The following SLC38A6 variants were observed in gnomAD, a reference collection of about 807,000 sequenced individuals.
SLC38A6 encodes N system amino acid transporter NAT-1.
Under a neutral mutation model 65.0 loss-of-function variants are expected in SLC38A6, and 73 were observed. The observed-to-expected ratio is 1.12, with a 90% CI of 0.93 to 1.37. The LOEUF is 1.37. SLC38A6 is among the 40% of genes most tolerant of loss of function. SLC38A6 has a pLI of 0.00. For synonymous variants in SLC38A6, 183 were observed against 178.8 expected (o/e 1.02, Z -0.19); for missense variants, 561 against 531.1 (o/e 1.06, Z -0.55).
intron 3 of SLC38A6, among the ~76,000 whole-genome samples, chr14:61,013,599 G>T (rs974168479): frequency 6.6e-6 from 1 of 152,140 alleles, no homozygotes; most frequent in Non-Finnish European, 1.5e-5. Flanking sequence ...AAATCTCTCA[G>T]CATTTGCTTG....
intron 6 of SLC38A6, among the ~76,000 whole-genome samples, chr14:61,033,687 A>G (rs763614553): frequency 2.0e-5 from 3 of 152,146 alleles, no homozygotes; most frequent in Admixed American, 1.3e-4. Flanking sequence ...GAGAAACACA[A>G]TTCATTTGTC....
intron 6 of SLC38A6, chr14:61,034,426 A>G (rs373897914): frequency 1.8e-4 from 28 of 152,276 alleles, no homozygotes; most frequent in African/African-American, 6.5e-4. Context: ...TTTCAAGTGT[A>G]TAATGCGGTA....
chr14:60,992,455 A>G lies in SLC38A6; in HGVS notation c.310+7652A>G, dbSNP rs1168761333. 2.6e-5 allele frequency among the ~76,000 whole-genome samples: 4 copies of G among 152,142 alleles called. No individual in the cohort carries two copies. In the East Asian group the frequency reaches 7.7e-4, roughly 29 times the overall value. Reference sequence around the variant, plus strand: ...TTCTCCTTCCTTATTGCTACTGTGTAGATCACGCCATAACCCCTCCCCAGG... The same window carrying G: ...TTCTCCTTCCTTATTGCTACTGTGTGGATCACGCCATAACCCCTCCCCAGG... On this transcript the variant is annotated intron_variant, in intron 3 of 15. Transcript: ENST00000267488.
At chr14:60,989,740 T>C (rs1470362681) in intron 3 of SLC38A6, among the ~76,000 whole-genome samples, 2 of 151,998 alleles carry the variant, frequency 1.3e-5, no homozygotes, top group Non-Finnish European at 2.9e-5. Context: ...AGAAAAAGAA[T>C]TATCTAAACC....
chr14:60,983,962 A>G (rs1372841259), intron 2 of SLC38A6, among the ~76,000 whole-genome samples: 1 of 152,152 alleles, frequency 6.6e-6, no homozygotes, highest in Non-Finnish European at 1.5e-5. Flanking sequence ...TTTACCTCTC[A>G]ATTTTATTTA....
chr14:61,069,158 C>T (rs1465692148), intron 15 of SLC38A6, among the ~76,000 whole-genome samples: 1 of 152,176 alleles, frequency 6.6e-6, no homozygotes, highest in Non-Finnish European at 1.5e-5. Flanking sequence ...CTTCTTAGAG[C>T]TTCCCAGATG....
intron 15 of SLC38A6, among the ~76,000 whole-genome samples, chr14:61,067,434 G>GTCTCT (rs1566728339): frequency 6.6e-6 from 1 of 151,974 alleles, no homozygotes; most frequent in Non-Finnish European, 1.5e-5. Flanking sequence ...ACTAGAAAAC[G>GTCTCT]GTATTCTAGA....
intron 1 of SLC38A6, 57 bp from the exon 2 acceptor site, chr14:60,982,451 C>T: frequency 1.9e-6 from 3 of 1,574,292 alleles, no homozygotes; most frequent in Admixed American, 1.9e-5. Context: ...AATTTCTTTA[C>T]GAAATTTTAA....
intron 3 of SLC38A6, among the ~76,000 whole-genome samples, chr14:60,999,263 T>A (rs1049615817): frequency 6.6e-5 from 10 of 152,180 alleles, no homozygotes; most frequent in Non-Finnish European, 1.3e-4. Flanking sequence ...CAGAACATAA[T>A]CTCTTTCTCT....
intron 10 of SLC38A6, among the ~76,000 whole-genome samples, chr14:61,043,979 A>G (rs2041976364): frequency 6.6e-5 from 10 of 152,260 alleles, no homozygotes; most frequent in Admixed American, 6.5e-4. Flanking sequence ...CAAAGTTGAA[A>G]TTCATGATGC....
intron 15 of SLC38A6, among the ~76,000 whole-genome samples, chr14:61,062,805 T>C (rs1267002358): frequency 1.3e-5 from 2 of 152,130 alleles, no homozygotes; most frequent in Non-Finnish European, 2.9e-5. Flanking sequence ...CTCAGCCTCC[T>C]GCATAGCTGG....
intron 3 of SLC38A6, among the ~76,000 whole-genome samples, chr14:60,990,708 C>T (rs1196109651): frequency 6.6e-6 from 1 of 152,006 alleles, no homozygotes; most frequent in Admixed American, 6.5e-5. Context: ...ACATAGCTCA[C>T]TGCAGCCTCG....
chr14:61,069,341 A>G (rs1198203115), intron 15 of SLC38A6, among the ~76,000 whole-genome samples: 1 of 151,894 alleles, frequency 6.6e-6, no homozygotes, highest in Non-Finnish European at 1.5e-5. Flanking sequence ...ATCCCAGATA[A>G]TGGCTCACTG....
chr14:61,044,018 C>T (rs1329585316), intron 10 of SLC38A6, among the ~76,000 whole-genome samples: 1 of 152,086 alleles, frequency 6.6e-6, no homozygotes, highest in Non-Finnish European at 1.5e-5. Flanking sequence ...GACCAAGTCC[C>T]TTTGCCTTCC....
At chr14:61,083,706 C>T (rs752343216) in exon 17 of SLC38A6, 11 of 1,547,020 alleles carry the variant, frequency 7.1e-6, no homozygotes, top group Non-Finnish European at 9.6e-6. Flanking sequence ...GAACTGTGAG[C>T]AAATAAATGA....
chr14:61,063,351 C>T (rs2042919046), intron 15 of SLC38A6, among the ~76,000 whole-genome samples: 1 of 152,144 alleles, frequency 6.6e-6, no homozygotes, highest in African/African-American at 2.4e-5. Flanking sequence ...AGTCCTTTCT[C>T]TGAGTTTTCT....
downstream of SLC38A6, chr14:61,052,958 T>G (rs552734306): frequency 1.3e-5 from 2 of 152,830 alleles, no homozygotes; most frequent in Admixed American, 1.3e-4. Context: ...TCACGGGAAT[T>G]TGTTATACAG....
intron 13 of SLC38A6, among the ~76,000 whole-genome samples, chr14:61,051,050 A>G (rs142402117): frequency 1.9e-3 from 288 of 152,318 alleles, no homozygotes; most frequent in African/African-American, 6.7e-3. Context: ...TTCTAGTTCA[A>G]TCTTGGTGAA....
intron 3 of SLC38A6, among the ~76,000 whole-genome samples, chr14:61,011,381 C>T (rs1236841675): frequency 6.6e-6 from 1 of 151,974 alleles, no homozygotes; most frequent in Non-Finnish European, 1.5e-5. Flanking sequence ...TTTCCTTCTC[C>T]TGCCTGATTG....
Sources: gnomAD v4.1 joint callset for allele counts (sites outside exome capture counted in the v4.1 genomes callset) on GRCh38, gnomAD v4.1.1 for gene constraint, MANE v1.5 for transcripts, NCBI Gene and HGNC (gene_info 2026-07-23, HGNC 2026-07-21) for gene names.